The following POFUT3 variants were observed in gnomAD, a reference collection of about 807,000 sequenced individuals.
The protein encoded by POFUT3 is GDP-fucose protein O-fucosyltransferase 3.
chr8:33,350,729 G>T, the POFUT3 span, among the ~76,000 whole-genome samples: 2 of 152,074 alleles, frequency 1.3e-5, no homozygotes, highest in East Asian at 3.9e-4. Context: ...TTTGCATCAA[G>T]ATTAGAAACA....
chr8:33,314,653 C>T, the POFUT3 span, among the ~76,000 whole-genome samples: 1 of 152,168 alleles, frequency 6.6e-6, no homozygotes. Context: ...GAATTAAATA[C>T]ATAAATTTGT....
chr8:33,446,970 G>A, the POFUT3 span, among the ~76,000 whole-genome samples: 134 of 152,210 alleles, frequency 8.8e-4, no homozygotes, highest in East Asian at 0.02. Flanking sequence ...GAGAAATCCC[G>A]AAGCATCCTC....
the POFUT3 span, among the ~76,000 whole-genome samples, chr8:33,316,979 C>G: frequency 2.7e-3 from 403 of 151,954 alleles, 2 homozygotes; most frequent in African/African-American, 4.9e-3. Context: ...ATGTCCCCCA[C>G]CTGAGACTGA....
chr8:33,408,087 G>C, the POFUT3 span, among the ~76,000 whole-genome samples: 1 of 152,000 alleles, frequency 6.6e-6, no homozygotes, highest in East Asian at 1.9e-4. Flanking sequence ...ACTTTGGGAG[G>C]CTAAGGTGGG....
the POFUT3 span, chr8:33,360,792 A>G: frequency 1.3e-5 from 2 of 152,228 alleles, no homozygotes; most frequent in Non-Finnish European, 2.9e-5. Context: ...TGTGTCTTCA[A>G]TGGCAGCCCT....
At chr8:33,353,093 T>A in the POFUT3 span, among the ~76,000 whole-genome samples, 3 of 152,222 alleles carry the variant, frequency 2.0e-5, no homozygotes, top group Admixed American at 6.5e-5. Context: ...TAGTCCCCAG[T>A]GTCACTTTCC....
chr8:33,386,792 A>G, the POFUT3 span, among the ~76,000 whole-genome samples: 1 of 152,188 alleles, frequency 6.6e-6, no homozygotes, highest in Non-Finnish European at 1.5e-5. Context: ...CCAGAGAGAC[A>G]GAGGGAGATT....
chr8:33,353,353 T>C, the POFUT3 span, among the ~76,000 whole-genome samples: 3 of 152,180 alleles, frequency 2.0e-5, no homozygotes, highest in Non-Finnish European at 2.9e-5. Flanking sequence ...AACAGTCAGT[T>C]TGGCTGAACT....
the POFUT3 span, among the ~76,000 whole-genome samples, chr8:33,390,531 A>G: frequency 6.8e-6 from 1 of 147,828 alleles, no homozygotes; most frequent in Non-Finnish European, 1.5e-5. Flanking sequence ...CAACCAGGTC[A>G]GCAGGTTGAT....
the POFUT3 span, among the ~76,000 whole-genome samples, chr8:33,341,883 A>T: frequency 6.6e-6 from 1 of 151,920 alleles, no homozygotes; most frequent in Non-Finnish European, 1.5e-5. Flanking sequence ...ACATAGCAAG[A>T]CTCCATCTCT....
chr8:33,381,959 A>G, the POFUT3 span, among the ~76,000 whole-genome samples: 1 of 152,200 alleles, frequency 6.6e-6, no homozygotes, highest in Non-Finnish European at 1.5e-5. Context: ...CCCGAATCAG[A>G]GCGCACCTTC....
the POFUT3 span, among the ~76,000 whole-genome samples, chr8:33,330,129 T>C: frequency 1.3e-5 from 2 of 152,222 alleles, no homozygotes; most frequent in Admixed American, 1.3e-4. Context: ...CTCTTAGATA[T>C]GGGGTTGACA....
At chr8:33,370,863 C>G in the POFUT3 span, 1 of 152,142 alleles carries the variant, frequency 6.6e-6, no homozygotes, top group Non-Finnish European at 1.5e-5. Flanking sequence ...AACAAGGAAT[C>G]CCCCTTTCCA....
chr8:33,362,947 C>T, the POFUT3 span, among the ~76,000 whole-genome samples: 1 of 152,174 alleles, frequency 6.6e-6, no homozygotes, highest in Admixed American at 6.6e-5. Context: ...GAAATCTCCA[C>T]CCCAAATCAA....
At chr8:33,453,245 T>C in the POFUT3 span, 101 of 1,614,178 alleles carry the variant, frequency 6.3e-5, no homozygotes, top group Admixed American at 1.2e-3. Flanking sequence ...GGTCATGTGA[T>C]GATGGAGGTA....
At chr8:33,410,878 G>A in the POFUT3 span, among the ~76,000 whole-genome samples, 1 of 152,036 alleles carries the variant, frequency 6.6e-6, no homozygotes. Flanking sequence ...GGTACACGGG[G>A]GCCCCAACAC....
At chr8:33,424,880 T>C in the POFUT3 span, among the ~76,000 whole-genome samples, 2 of 152,212 alleles carry the variant, frequency 1.3e-5, no homozygotes, top group Admixed American at 6.5e-5. Context: ...CAGCACTTAC[T>C]GAGGTCAGTG....
At chr8:33,409,102 TTTTA>T in the POFUT3 span, among the ~76,000 whole-genome samples, 4 of 152,124 alleles carry the variant, frequency 2.6e-5, no homozygotes, top group African/African-American at 9.7e-5. Flanking sequence ...TTTTCTTTAT[TTTTA>T]TTTATTTATT....
the POFUT3 span, among the ~76,000 whole-genome samples, chr8:33,349,007 G>A: frequency 0.018 from 2,694 of 152,370 alleles, 81 homozygotes; most frequent in African/African-American, 0.06. Context: ...GAAAAAGACT[G>A]TATGAACTTC....
Sources: gnomAD v4.1 joint callset for allele counts (sites outside exome capture counted in the v4.1 genomes callset) on GRCh38, gnomAD v4.1.1 for gene constraint, MANE v1.5 for transcripts, NCBI Gene and HGNC (gene_info 2026-07-23, HGNC 2026-07-21) for gene names.